Variants in BEND5 observed in about 807,000 individuals in gnomAD.
BEND5 encodes BEN domain-containing protein 5.
BEND5 carries 22 observed loss-of-function variants against 43.9 expected under a neutral mutation model. That is an observed-to-expected ratio of 0.50 (90% confidence interval 0.36 to 0.72). The LOEUF (loss-of-function observed/expected upper bound fraction) is 0.72, where lower values mean the gene tolerates loss of function less well. Ranked by LOEUF, BEND5 falls within the 30% of genes least tolerant of loss-of-function variation. The pLI is 0.00. For missense variants in BEND5, 428 were observed against 550.6 expected (o/e 0.78, Z 2.23); for synonymous variants, 228 against 225.9 (o/e 1.01, Z -0.08).
rs749886812 is a variant in BEND5 at position 48,776,776 on chromosome 1, G to T, written c.56C>A (p.Ser19Ter). The change falls in exon 1 of 6, where the codon TCG becomes TAG. Residue 19 changes from serine (S) to a stop codon, truncating the protein, a stop_gained. Coordinates refer to ENST00000371833, the MANE Select transcript of BEND5 (RefSeq NM_024603.4). LOFTEE classifies it high-confidence loss of function. ...GCGGGGGCTGAAGTCGCGCACGCAC[G>T]ACACGGGCAGCGCGTAGCAGACGTT... ...EDNVCYALPVSCVRDFSPRSR... is the reference protein window; with the variant it reads ...EDNVCYALPV The T allele has an allele frequency of 4.6e-6, 7 of 1,524,208 alleles. No individual in the cohort carries two copies. The South Asian group carries it at 7.4e-5, about 16-fold the overall frequency. 94.4% of individuals were successfully genotyped at this position (1,524,208 alleles called of 1,614,324 possible).
At position 48,727,779 on chromosome 1, in the gene BEND5, T is replaced by C; in HGVS notation, c.*107A>G. ...CTGACCCCAGAACCCGATGGATCCC[T>C]GCACACACACCACCATGCACGGTGG... On this transcript the variant is annotated 3_prime_UTR_variant, in exon 6 of 6. Coordinates refer to ENST00000371833, the MANE Select transcript of BEND5 (RefSeq NM_024603.4). 8.9e-7 allele frequency: 1 copy of C among 1,119,734 alleles called. No homozygotes were observed. The allele number at this position is 1,119,734 out of a possible 1,614,324, so 69.4% of individuals were successfully genotyped here. A position where few individuals can be genotyped will look rare whatever the true frequency, so the allele number is the denominator to read the frequency against.
At chr1:48,775,861 G>C (rs2148707780) in intron 1 of BEND5, among the ~76,000 whole-genome samples, 1 of 152,344 alleles carries the variant, frequency 6.6e-6, no homozygotes, top group South Asian at 2.1e-4. Context: ...TTCTGACCCA[G>C]AAACTCTCTC....
rs369194836 is a variant in BEND5, at chr1:48,741,131, T to C, written c.894+1492A>G. 3.3e-5 allele frequency among the ~76,000 whole-genome samples: 5 copies of C among 152,220 alleles called. No individual in the cohort carries two copies. The East Asian group carries it at 5.8e-4, about 18-fold the overall frequency. ...AAGGCAAGGGAGAAATAGATTTCTC[T>C]TGGAAGCTACTTTAAGAAAAACTCT... is the stretch of plus-strand genomic sequence containing the variant. On this transcript the variant is annotated intron_variant, in intron 4 of 5. Transcript: ENST00000371833.
chr1:48,776,757 G>A lies in BEND5; in HGVS notation c.75C>T (p.Ser25=), dbSNP rs1449613837. Residue 25 remains serine, a synonymous_variant, in exon 1 of 6, where the codon AGC becomes AGT. Coordinates refer to ENST00000371833, the MANE Select transcript of BEND5 (RefSeq NM_024603.4). The stretch of plus-strand genomic sequence containing the variant: ...TGTCAAAATCCAGCCGCGAGCGGGG[G>A]CTGAAGTCGCGCACGCACGACACGG... ...ALPVSCVRDF[S]PRSRLDFDNQ... 5 of 1,527,486 alleles carry A rather than the reference G, an allele frequency of 3.3e-6. No homozygotes were observed. The highest frequency in any genetic ancestry group is 4.4e-6 in the Non-Finnish European group (5 of 1,137,794). The allele number at this position is 1,527,486 out of a possible 1,614,324, so 94.6% of individuals were successfully genotyped here. A position where few individuals can be genotyped will look rare whatever the true frequency, so the allele number is the denominator to read the frequency against.
chr1:48,774,517 T>C (rs116745590), intron 1 of BEND5, among the ~76,000 whole-genome samples: 60 of 152,098 alleles, frequency 3.9e-4, no homozygotes, highest in African/African-American at 1.4e-3. Flanking sequence ...TGAAGAGAGG[T>C]AAGGGGAAGT....
At chr1:48,771,072 T>C (rs1284295648) in intron 1 of BEND5, among the ~76,000 whole-genome samples, 1 of 152,204 alleles carries the variant, frequency 6.6e-6, no homozygotes, top group Non-Finnish European at 1.5e-5. Context: ...AGGTGAGTAT[T>C]TATAACATAT....
At chr1:48,732,947 T>C (rs890146616) in intron 5 of BEND5, among the ~76,000 whole-genome samples, 1 of 152,052 alleles carries the variant, frequency 6.6e-6, no homozygotes, top group African/African-American at 2.4e-5. Context: ...GAAGGAGGAA[T>C]GATCGTGTCA....
At chr1:48,753,027 C>T (rs575718705) in intron 3 of BEND5, among the ~76,000 whole-genome samples, 95 of 152,308 alleles carry the variant, frequency 6.2e-4, no homozygotes, top group African/African-American at 2.1e-3. Context: ...GGATTACAGG[C>T]GTGAGCCACT....
intron 2 of BEND5, 112 bp downstream of exon 2, chr1:48,761,225 G>T: frequency 2.5e-6 from 3 of 1,182,368 alleles, no homozygotes; most frequent in Non-Finnish European, 3.5e-6. Flanking sequence ...ATCATAGCCT[G>T]TGATACCAGG....
At chr1:48,762,212 C>T (rs1040596167) in intron 1 of BEND5, among the ~76,000 whole-genome samples, 1 of 152,116 alleles carries the variant, frequency 6.6e-6, no homozygotes, top group Non-Finnish European at 1.5e-5. Flanking sequence ...CCACTGCTTA[C>T]GTGTGCTCAC....
rs141329207 is a variant in BEND5, at chr1:48,767,076, T to G, written c.227-5606A>C. 1.1e-3 allele frequency among the ~76,000 whole-genome samples: 171 copies of G among 152,296 alleles called. 1 individual carries two copies. Among genetic ancestry groups the G allele is most frequent in the African/African-American group, 3.6e-3 (151 of 41,556 alleles). ...ATAGAAGATTACTGAACATTCAGTG[T>G]CATCATAACAAATGGAAGAAATGGT... On this transcript the variant is annotated intron_variant, in intron 1 of 5. Coordinates refer to ENST00000371833, the MANE Select transcript of BEND5 (RefSeq NM_024603.4).
intron 3 of BEND5, among the ~76,000 whole-genome samples, chr1:48,744,528 G>A (rs889602465): frequency 3.9e-5 from 6 of 152,102 alleles, no homozygotes; most frequent in Non-Finnish European, 1.5e-5. Context: ...CTGAAAAGAG[G>A]AGGTCCATGA....
chr1:48,772,148 G>C (rs1048549174), intron 1 of BEND5, among the ~76,000 whole-genome samples: 1 of 152,212 alleles, frequency 6.6e-6, no homozygotes, highest in Non-Finnish European at 1.5e-5. Context: ...CCCTGTCCTA[G>C]AGGAGTTCCC....
chr1:48,770,246 C>A (rs1171465617), intron 1 of BEND5, among the ~76,000 whole-genome samples: 2 of 152,120 alleles, frequency 1.3e-5, no homozygotes, highest in African/African-American at 4.8e-5. Flanking sequence ...TCTTTTCCTG[C>A]TTATGTATTT....
intron 4 of BEND5, among the ~76,000 whole-genome samples, chr1:48,739,660 G>A (rs1649607015): frequency 6.6e-6 from 1 of 152,178 alleles, no homozygotes; most frequent in Admixed American, 6.5e-5. Context: ...ACAGTCAGCA[G>A]ATCAGTGCTA....
chr1:48,755,488 C>A (rs1164651721), intron 3 of BEND5, among the ~76,000 whole-genome samples: 1 of 152,178 alleles, frequency 6.6e-6, no homozygotes, highest in Non-Finnish European at 1.5e-5. Flanking sequence ...AAGGATATGC[C>A]TCCAGGAGCA....
chr1:48,742,420 G>GA (rs963819734), intron 4 of BEND5, among the ~76,000 whole-genome samples: 26 of 75,994 alleles, frequency 3.4e-4, no homozygotes, highest in Middle Eastern at 0.01. Context: ...AAGAAAGAAA[G>GA]AAAAAAAAAA....
intron 1 of BEND5, 57 bp downstream of exon 1, chr1:48,776,549 T>C (rs1645096761): frequency 4.4e-5 from 31 of 701,544 alleles, no homozygotes; most frequent in East Asian, 6.3e-5. Context: ...CCCCGGCCCC[T>C]CCCGGGGTCC....
rs1649145923 is a variant in BEND5 at position 48,736,889 on chromosome 1, A to C, written c.895-437T>G. Among the ~76,000 whole-genome samples, 1 of 152,138 alleles carries C rather than the reference A, an allele frequency of 6.6e-6. No individual in the cohort carries two copies. The highest frequency in any genetic ancestry group is 6.5e-5 in the Admixed American group (1 of 15,278). On this transcript the variant is annotated intron_variant, in intron 4 of 5. Transcript: ENST00000371833. This position sits in a 1 kb window ranked among gnomAD's most constrained non-coding sequence, Gnocchi z 4.0. ...TCTTTCTGTGTTACACTATGGAAAG[A>C]CCCACCTTCCTTTAATGTGAACATT...
Sources: allele counts gnomAD v4.1 joint callset (sites outside exome capture counted in the v4.1 genomes callset), GRCh38; gene constraint gnomAD v4.1.1; non-coding constraint Gnocchi (gnomAD v3.1); transcripts MANE v1.5; gene names NCBI Gene and HGNC (gene_info 2026-07-23, HGNC 2026-07-21).